Variants in MED12L observed in about 807,000 individuals in gnomAD.
MED12L encodes the protein mediator of RNA polymerase II transcription subunit 12-like protein.
In MED12L, 60 loss-of-function variants were observed where a neutral mutation model predicts 281.3. The observed-to-expected ratio is 0.21, with a 90% CI of 0.17 to 0.26. The LOEUF (loss-of-function observed/expected upper bound fraction) is 0.26, where lower values mean the gene tolerates loss of function less well. Ranked by LOEUF, MED12L falls within the 10% of genes least tolerant of loss-of-function variation. The pLI is 1.00. For missense variants in MED12L, 2,146 were observed against 2,680.9 expected (o/e 0.80, Z 4.41); for synonymous variants, 974 against 987.2 (o/e 0.99, Z 0.25).
chr3:151,394,571 A>C (rs753097028), intron 38 of MED12L, 85 bp from the exon 39 acceptor site: 1 of 1,575,060 alleles, frequency 6.3e-7, no homozygotes, highest in Non-Finnish European at 8.6e-7. Flanking sequence ...GAGACTTAGA[A>C]GGTGAAATTT....
intron 39 of MED12L, among the ~76,000 whole-genome samples, chr3:151,399,983 C>CTGTAGTGGTGAT: frequency 6.6e-6 from 1 of 152,244 alleles, no homozygotes; most frequent in South Asian, 2.1e-4. Context: ...TGCACCACCC[C>CTGTAGTGGTGAT]GCCTGGCTGA....
intron 16 of MED12L, among the ~76,000 whole-genome samples, chr3:151,243,489 A>C (rs559899467): frequency 6.6e-6 from 1 of 152,214 alleles, no homozygotes; most frequent in Non-Finnish European, 1.5e-5. Flanking sequence ...AGAATTTTCA[A>C]CCTGGAATTT....
In MED12L at chr3:151,213,783, T is replaced by G. The variant is rs780565743; in HGVS notation, c.2250+20117T>G. ...ATGCTTTGTGCCACTTCCGTCCCAG[T>G]TCACTTTTCAGTTCTATACATTTTA... On this transcript the variant is annotated intron_variant, in intron 16 of 44. Transcript: ENST00000687756. 2.7e-5 allele frequency: 43 copies of G among 1,614,056 alleles called. No individual in the cohort carries two copies. The highest frequency in any genetic ancestry group is 3.5e-5 in the Non-Finnish European group (41 of 1,180,022).
chr3:151,295,700 T>G (rs1343026312), intron 16 of MED12L, among the ~76,000 whole-genome samples: 1 of 152,234 alleles, frequency 6.6e-6, no homozygotes, highest in Non-Finnish European at 1.5e-5. Flanking sequence ...TAAGAAGCTG[T>G]AAAACTAGTG....
intron 16 of MED12L, among the ~76,000 whole-genome samples, chr3:151,245,855 G>A (rs1453834795): frequency 6.6e-6 from 1 of 151,410 alleles, no homozygotes; most frequent in Non-Finnish European, 1.5e-5. Context: ...CGACATGATT[G>A]TATATCTAGA....
At chr3:151,257,133 A>C (rs547219967) in intron 16 of MED12L, among the ~76,000 whole-genome samples, 1 of 152,144 alleles carries the variant, frequency 6.6e-6, no homozygotes, top group Non-Finnish European at 1.5e-5. Context: ...TGAGCTGTTA[A>C]GTTTTCTAGA....
In MED12L at chr3:151,188,377, A is replaced by G; in HGVS notation, c.1650A>G (p.Leu550=). The G allele has an allele frequency of 6.2e-7, 1 of 1,607,766 alleles. No individual in the cohort carries two copies. Among genetic ancestry groups the G allele is most frequent in the Non-Finnish European group, 8.5e-7 (1 of 1,174,334 alleles). Residue 550 remains leucine (L), a synonymous_variant, in exon 13 of 45, where the codon TTA becomes TTG. Coordinates refer to ENST00000687756, the MANE Select transcript of MED12L (RefSeq NM_001393769.1). ...EAERCGESEV[L]DEKESISSSS... The stretch of plus-strand genomic sequence containing the variant: ...AGAGATGTGGTGAATCAGAAGTCTT[A>G]GATGAGAAGGAGTCTATTTCTTCAT...
At chr3:151,404,382 A>G (rs2108313906) in intron 39 of MED12L, among the ~76,000 whole-genome samples, 1 of 152,316 alleles carries the variant, frequency 6.6e-6, no homozygotes, top group Non-Finnish European at 1.5e-5. Flanking sequence ...CTGTTCATTG[A>G]TTCCCAACCA....
rs557449342 is a variant in MED12L at position 151,249,624 on chromosome 3, T to C, written c.2250+55958T>C. Among the ~76,000 whole-genome samples the C allele has an allele frequency of 8.7e-4, 133 of 152,306 alleles. 2 individuals are homozygous for C. The highest frequency in any genetic ancestry group is 3.4e-3 in the Middle Eastern group (1 of 294). ...GGACTTGATGCATGCCAGTACCTCT[T>C]CTACTCCATCTGTTATCCTGACACA... On this transcript the variant is annotated intron_variant, in intron 16 of 44. Coordinates refer to ENST00000687756, the MANE Select transcript of MED12L (RefSeq NM_001393769.1).
At chr3:151,235,472 G>A (rs942274222) in intron 16 of MED12L, among the ~76,000 whole-genome samples, 7 of 152,168 alleles carry the variant, frequency 4.6e-5, no homozygotes, top group African/African-American at 1.4e-4. Flanking sequence ...TTGGGAGGCT[G>A]AGGTGGGCAG....
intron 16 of MED12L, chr3:151,328,750 A>T: frequency 1.2e-6 from 2 of 1,614,056 alleles, no homozygotes; most frequent in Non-Finnish European, 1.7e-6. Flanking sequence ...GGTGTGAGTC[A>T]GAGAGGATTT....
chr3:151,258,955 G>A (rs1738354490), intron 16 of MED12L, among the ~76,000 whole-genome samples: 2 of 152,128 alleles, frequency 1.3e-5, no homozygotes, highest in African/African-American at 4.8e-5. Flanking sequence ...GCCTCTGCAG[G>A]CTTCGCCTTT....
At chr3:151,269,829 G>T in intron 16 of MED12L, 1 of 438,450 alleles carries the variant, frequency 2.3e-6, no homozygotes. Flanking sequence ...AAACGTTCCA[G>T]TCAAACGCAG....
intron 17 of MED12L, among the ~76,000 whole-genome samples, chr3:151,351,333 A>G (rs1753211029): frequency 6.6e-6 from 1 of 152,216 alleles, no homozygotes; most frequent in Non-Finnish European, 1.5e-5. Context: ...ATCTGATGTC[A>G]GAGGTGATAG....
At chr3:151,208,163 T>C (rs1461575775) in intron 16 of MED12L, among the ~76,000 whole-genome samples, 2 of 152,226 alleles carry the variant, frequency 1.3e-5, no homozygotes, top group Non-Finnish European at 2.9e-5. Flanking sequence ...TAGCCAGATA[T>C]GAACTACACT....
At chr3:151,233,887 A>G (rs1732221543) in intron 16 of MED12L, among the ~76,000 whole-genome samples, 1 of 152,190 alleles carries the variant, frequency 6.6e-6, no homozygotes, top group African/African-American at 2.4e-5. Flanking sequence ...CCCTTTTAAA[A>G]CTAATGATTT....
At chr3:151,414,292 C>T (rs1421431094) in intron 42 of MED12L, among the ~76,000 whole-genome samples, 4 of 152,130 alleles carry the variant, frequency 2.6e-5, no homozygotes, top group African/African-American at 9.7e-5. Context: ...GTACAGTGGG[C>T]TCTAATCTTA....
chr3:151,369,635 A>G, intron 26 of MED12L, 86 bp downstream of exon 26: 1 of 858,162 alleles, frequency 1.2e-6, no homozygotes, highest in South Asian at 1.9e-5. Flanking sequence ...ATCTAGTAGT[A>G]TTATTGGAAA....
chr3:151,205,553 G>A lies in MED12L; in HGVS notation c.2250+11887G>A, dbSNP rs559078609. 3.9e-5 allele frequency among the ~76,000 whole-genome samples: 6 copies of A among 152,242 alleles called. No homozygotes were observed. The East Asian group carries it at 1.2e-3, about 29-fold the overall frequency. On this transcript the variant is annotated intron_variant, in intron 16 of 44. Coordinates refer to ENST00000687756, the MANE Select transcript of MED12L (RefSeq NM_001393769.1). ...TTCGGCATAGCATGGAAGCCATTTG[G>A]AACTAATGAGGAAGGGGAAAGCAAA...
Sources: allele counts gnomAD v4.1 joint callset (sites outside exome capture counted in the v4.1 genomes callset), GRCh38; gene constraint gnomAD v4.1.1; transcripts MANE v1.5; gene names NCBI Gene and HGNC (gene_info 2026-07-23, HGNC 2026-07-21).